The following MAD1L1 variants were observed in gnomAD, a reference collection of about 807,000 sequenced individuals.
The protein encoded by MAD1L1 is mitotic arrest deficient 1 like 1.
A neutral mutation model predicts 96.9 loss-of-function variants in MAD1L1; 95 were observed. The observed-to-expected ratio is 0.98, with a 90% CI of 0.83 to 1.16. The LOEUF (loss-of-function observed/expected upper bound fraction) is 1.16, where lower values mean the gene tolerates loss of function less well. Ranked by LOEUF, MAD1L1 falls within the 50% of genes most tolerant of loss-of-function variation. The pLI is 0.00. For missense variants in MAD1L1, 1,007 were observed against 954.4 expected (o/e 1.06, Z -0.73); for synonymous variants, 473 against 396.6 (o/e 1.19, Z -2.29).
intron 15 of MAD1L1, among the ~76,000 whole-genome samples, chr7:1,966,843 G>A (rs1002530958): frequency 6.6e-6 from 1 of 152,260 alleles, no homozygotes; most frequent in Non-Finnish European, 1.5e-5. Flanking sequence ...CGCTGCGTGC[G>A]CAGGGCAGAG....
chr7:1,998,835 C>G (rs1781670625), intron 14 of MAD1L1, among the ~76,000 whole-genome samples: 2 of 151,600 alleles, frequency 1.3e-5, no homozygotes, highest in African/African-American at 2.4e-5. Flanking sequence ...CACAGACCCC[C>G]TAACCCCACT....
chr7:1,934,986 C>T (rs774563782), intron 17 of MAD1L1, among the ~76,000 whole-genome samples: 17 of 151,680 alleles, frequency 1.1e-4, no homozygotes, highest in African/African-American at 1.9e-4. Context: ...TGGGCAAACC[C>T]GAGACGGGCA....
chr7:2,060,722 C>T (rs778726017), intron 12 of MAD1L1, among the ~76,000 whole-genome samples: 4 of 152,184 alleles, frequency 2.6e-5, no homozygotes, highest in African/African-American at 4.8e-5. Context: ...GGGGAGAAGG[C>T]GGCCTTGCAA....
intron 18 of MAD1L1, among the ~76,000 whole-genome samples, chr7:1,888,093 G>A (rs1786252383): frequency 6.7e-6 from 1 of 148,848 alleles, no homozygotes; most frequent in Middle Eastern, 4.3e-3. Flanking sequence ...GAGCATGCAT[G>A]TTCATGGGGC....
intron 16 of MAD1L1, among the ~76,000 whole-genome samples, chr7:1,950,747 T>C (rs1779455672): frequency 6.6e-6 from 1 of 152,174 alleles, no homozygotes; most frequent in South Asian, 2.1e-4. Context: ...AGTGGGGCCG[T>C]TGGCAAAGCT....
chr7:2,065,622 C>T (rs1443124343), intron 12 of MAD1L1, among the ~76,000 whole-genome samples: 1 of 152,162 alleles, frequency 6.6e-6, no homozygotes, highest in Non-Finnish European at 1.5e-5. Context: ...AACTCAGACC[C>T]TCAACAACTC....
chr7:2,148,937 G>A (rs534785096), intron 11 of MAD1L1, among the ~76,000 whole-genome samples: 1 of 152,294 alleles, frequency 6.6e-6, no homozygotes, highest in East Asian at 1.9e-4. Context: ...CAGAACGATG[G>A]ACGGTGGTGC....
chr7:2,101,020 CACCTAATTA>C (rs1463725405), intron 11 of MAD1L1, among the ~76,000 whole-genome samples: 1 of 152,210 alleles, frequency 6.6e-6, no homozygotes, highest in Non-Finnish European at 1.5e-5. Context: ...AGAGAAAAAT[CACCTAATTA>C]ACCACTTTCC....
intron 18 of MAD1L1, among the ~76,000 whole-genome samples, chr7:1,895,434 G>C (rs1786805403): frequency 6.6e-6 from 1 of 152,156 alleles, no homozygotes; most frequent in Non-Finnish European, 1.5e-5. Context: ...GTTGCCCAGA[G>C]CTCCCCATGC....
At chr7:1,887,861 A>ACGTGTGTGGCTGCCTGGG (rs1554284101) in intron 18 of MAD1L1, among the ~76,000 whole-genome samples, 4 of 132,146 alleles carry the variant, frequency 3.0e-5, no homozygotes, top group South Asian at 2.4e-4. Flanking sequence ...GTGTGTGTGC[A>ACGTGTGTGGCTGCCTGGG]CGTGTGTGTG....
chr7:2,036,273 C>T (rs1193017875), intron 12 of MAD1L1, among the ~76,000 whole-genome samples: 1 of 115,592 alleles, frequency 8.7e-6, no homozygotes, highest in Non-Finnish European at 1.8e-5. Flanking sequence ...CGGGACAGAG[C>T]TGGGGTCCAG....
In MAD1L1 at chr7:2,210,468, G is replaced by A. The variant is rs867734128; in HGVS notation, c.986+2744C>T. Among the ~76,000 whole-genome samples, 562 of 117,742 alleles carry A rather than the reference G, an allele frequency of 4.8e-3. 8 individuals carry two copies. The highest frequency in any genetic ancestry group is 8.7e-3 in the South Asian group (28 of 3,216). 77.2% of individuals were successfully genotyped at this position (117,742 alleles called of 152,430 possible). On this transcript the variant is annotated intron_variant, in intron 10 of 18. Coordinates refer to ENST00000265854, the MANE Select transcript of MAD1L1 (RefSeq NM_001013836.2). Reference sequence around the variant, plus strand: ...CGTGGACTCTCTAGGAGCCGTATTCGGGACCGCCAGCCCGCATTCCCGTGG... The same window carrying A: ...CGTGGACTCTCTAGGAGCCGTATTCAGGACCGCCAGCCCGCATTCCCGTGG...
intron 17 of MAD1L1, among the ~76,000 whole-genome samples, chr7:1,924,482 G>A (rs6951686): frequency 1.3e-5 from 2 of 152,094 alleles, no homozygotes; most frequent in African/African-American, 4.8e-5. Context: ...AAACAGTGTC[G>A]ATTTTTAAAG....
chr7:1,920,651 G>A (rs968866400), intron 17 of MAD1L1, among the ~76,000 whole-genome samples: 10 of 152,150 alleles, frequency 6.6e-5, no homozygotes, highest in African/African-American at 1.7e-4. Context: ...GAGTGGGGGC[G>A]GACTACAGTC....
chr7:2,137,427 C>T (rs1788807322), intron 11 of MAD1L1, among the ~76,000 whole-genome samples: 1 of 152,200 alleles, frequency 6.6e-6, no homozygotes, highest in South Asian at 2.1e-4. Flanking sequence ...GGTCAGACAC[C>T]TTCCGCTCTC....
intron 12 of MAD1L1, among the ~76,000 whole-genome samples, chr7:2,047,329 G>A (rs913217771): frequency 6.6e-6 from 1 of 152,210 alleles, no homozygotes; most frequent in Non-Finnish European, 1.5e-5. Context: ...CCGTGCCGAT[G>A]ATTGCTTCCG....
intron 14 of MAD1L1, among the ~76,000 whole-genome samples, chr7:1,985,968 C>T (rs892180244): frequency 2.0e-5 from 3 of 152,210 alleles, no homozygotes; most frequent in East Asian, 3.9e-4. Flanking sequence ...GCTCAATGTC[C>T]ACCGTTTTTC....
chr7:2,132,355 C>A (rs916709175), intron 11 of MAD1L1, among the ~76,000 whole-genome samples: 1 of 152,090 alleles, frequency 6.6e-6, no homozygotes, highest in African/African-American at 2.4e-5. Context: ...TTTAGACGAA[C>A]GCATGTCTGC....
At chr7:1,915,514 C>T (rs1316849705) in intron 17 of MAD1L1, among the ~76,000 whole-genome samples, 6 of 152,156 alleles carry the variant, frequency 3.9e-5, no homozygotes, top group Non-Finnish European at 4.4e-5. Context: ...GCGGGACGTA[C>T]GTGGAGCGGT....
Sources: gnomAD v4.1 joint callset for allele counts (sites outside exome capture counted in the v4.1 genomes callset) on GRCh38, gnomAD v4.1.1 for gene constraint, MANE v1.5 for transcripts, NCBI Gene and HGNC (gene_info 2026-07-23, HGNC 2026-07-21) for gene names.